The following ABCC5 variants were observed in gnomAD, a reference collection of about 807,000 sequenced individuals.
The protein encoded by ABCC5 is ATP-binding cassette sub-family C member 5.
A neutral mutation model predicts 160.9 loss-of-function variants in ABCC5; 61 were observed. That is an observed-to-expected ratio of 0.38 (90% CI 0.31 to 0.47). The LOEUF (loss-of-function observed/expected upper bound fraction) is 0.47. Among genes scored for constraint, ABCC5 ranks in the 20% least tolerant of loss-of-function variants. The pLI is 0.99. For missense variants in ABCC5, 1,308 were observed against 1,813.3 expected (o/e 0.72, Z 5.06); for synonymous variants, 666 against 700.6 (o/e 0.95, Z 0.78).
At chr3:183,928,414 G>A (rs920859990) in intron 27 of ABCC5, among the ~76,000 whole-genome samples, 1 of 151,992 alleles carries the variant, frequency 6.6e-6, no homozygotes, top group African/African-American at 2.4e-5. Context: ...GCCCGGCCAC[G>A]TTATATATCT....
intron 2 of ABCC5, among the ~76,000 whole-genome samples, chr3:183,991,818 T>C (rs1719793391): frequency 6.6e-6 from 1 of 152,122 alleles, no homozygotes; most frequent in African/African-American, 2.4e-5. Context: ...ATTACAAAGG[T>C]TTTTCTTACC....
chr3:183,923,684 G>A (rs937319001), intron 29 of ABCC5, among the ~76,000 whole-genome samples: 51 of 152,094 alleles, frequency 3.4e-4, no homozygotes, highest in Admixed American at 2.2e-3. Flanking sequence ...TACCTTACTA[G>A]GCTCTATTTT....
chr3:183,993,065 A>T (rs757292116), intron 2 of ABCC5, among the ~76,000 whole-genome samples: 3 of 152,246 alleles, frequency 2.0e-5, no homozygotes, highest in Non-Finnish European at 2.9e-5. Flanking sequence ...TTATGGGGGA[A>T]TAACATTTCA....
chr3:184,004,455 G>A (rs1238617689), intron 2 of ABCC5, among the ~76,000 whole-genome samples: 1 of 141,004 alleles, frequency 7.1e-6, no homozygotes, highest in African/African-American at 2.7e-5. Flanking sequence ...AGGTTGCAGT[G>A]AGCCAAGACC....
In ABCC5 at chr3:183,987,744, T is replaced by C; in HGVS notation, c.591+26A>G. 1.2e-5 allele frequency: 19 copies of C among 1,614,136 alleles called. No homozygotes were observed. Among genetic ancestry groups the C allele is most frequent in the Non-Finnish European group, 1.6e-5 (19 of 1,180,012 alleles). ...TGGCCGTGGCCGGGCCCCTGGAGACTGTCGGAAAGGATGGTTAGAACTTAC... is the reference window on the plus strand; with the variant it reads ...TGGCCGTGGCCGGGCCCCTGGAGACCGTCGGAAAGGATGGTTAGAACTTAC... On this transcript the variant is annotated intron_variant, in intron 5 of 29. Transcript: ENST00000334444. The surrounding 1 kb of genome is among the most constrained non-coding windows in gnomAD (Gnocchi z 4.2).
At chr3:183,945,228 T>C (rs1456944651) in intron 24 of ABCC5, among the ~76,000 whole-genome samples, 1 of 152,210 alleles carries the variant, frequency 6.6e-6, no homozygotes, top group African/African-American at 2.4e-5. Flanking sequence ...AAGACATCCC[T>C]GTAGGAAATT....
intron 29 of ABCC5, among the ~76,000 whole-genome samples, chr3:183,925,164 T>C (rs1265839123): frequency 6.6e-6 from 1 of 152,190 alleles, no homozygotes; most frequent in Non-Finnish European, 1.5e-5. Context: ...ATTGTGTATG[T>C]GAATGAATCA....
At chr3:183,923,891 C>T (rs1712249981) in intron 29 of ABCC5, among the ~76,000 whole-genome samples, 2 of 152,202 alleles carry the variant, frequency 1.3e-5, no homozygotes, top group Admixed American at 6.5e-5. Flanking sequence ...GCTATTTAAC[C>T]TTTTCTCAAT....
intron 26 of ABCC5, among the ~76,000 whole-genome samples, chr3:183,930,298 G>T (rs921858703): frequency 6.6e-6 from 1 of 152,228 alleles, no homozygotes; most frequent in African/African-American, 2.4e-5. Context: ...GGCATCTCTC[G>T]ATCTCCTGGG....
intron 26 of ABCC5, among the ~76,000 whole-genome samples, chr3:183,937,633 G>A (rs1344976620): frequency 1.3e-5 from 2 of 152,242 alleles, no homozygotes; most frequent in Non-Finnish European, 2.9e-5. Context: ...CTTGTCCGAA[G>A]TCACGGAGCA....
At chr3:183,925,439 C>A in intron 29 of ABCC5, 116 bp downstream of exon 29, 1 of 1,049,192 alleles carries the variant, frequency 9.5e-7, no homozygotes. Flanking sequence ...AATAGCGCTG[C>A]TGCAAGTGCT....
chr3:183,981,155 A>C (rs6802849), intron 8 of ABCC5, among the ~76,000 whole-genome samples: 95,723 of 152,084 alleles, frequency 0.63, 31,102 homozygotes, highest in East Asian at 0.85. Context: ...TTAATTATCT[A>C]CTACTTAAAT....
At position 184,007,473 on chromosome 3, in the gene ABCC5, G is replaced by C. The variant is rs77101291; in HGVS notation, c.129+6791C>G. 1.2e-4 allele frequency among the ~76,000 whole-genome samples: 19 copies of C among 152,196 alleles called. No individual in the cohort carries two copies. The East Asian group carries it at 3.7e-3, about 29-fold the overall frequency. On this transcript the variant is annotated intron_variant, in intron 2 of 29. Coordinates refer to ENST00000334444, the MANE Select transcript of ABCC5 (RefSeq NM_005688.4). ...AAAAGCATCTGACAAGCTTTGTCTTGCTTTTGCTTAAATATTAATTTAAAG... is the reference window on the plus strand; with the variant it reads ...AAAAGCATCTGACAAGCTTTGTCTTCCTTTTGCTTAAATATTAATTTAAAG...
intron 17 of ABCC5, among the ~76,000 whole-genome samples, chr3:183,959,233 A>C (rs1716510665): frequency 6.6e-6 from 1 of 152,204 alleles, no homozygotes; most frequent in Non-Finnish European, 1.5e-5. Context: ...TCTGGACAGG[A>C]AAAGCCAAGT....
chr3:184,013,709 C>T (rs1721951049), intron 2 of ABCC5, among the ~76,000 whole-genome samples: 1 of 152,164 alleles, frequency 6.6e-6, no homozygotes, highest in Non-Finnish European at 1.5e-5. Context: ...ATAGCCTTTT[C>T]AGAAGGCACC....
chr3:183,927,636 AAT>A (rs1234899142), intron 27 of ABCC5, 193 bp from the exon 28 acceptor site: 3 of 985,332 alleles, frequency 3.0e-6, no homozygotes, highest in Non-Finnish European at 3.6e-6. Context: ...CCCTGATTCC[AAT>A]AGACTATTCT....
At chr3:183,975,205 C>T (rs980081752) in intron 10 of ABCC5, among the ~76,000 whole-genome samples, 8 of 152,094 alleles carry the variant, frequency 5.3e-5, no homozygotes, top group Non-Finnish European at 5.9e-5. Flanking sequence ...TACTCAGAAA[C>T]ATAATAAACA....
intron 28 of ABCC5, 70 bp from the exon 29 acceptor site, chr3:183,925,789 C>A: frequency 2.8e-6 from 4 of 1,407,742 alleles, no homozygotes; most frequent in South Asian, 1.3e-5. Flanking sequence ...CTAGATTTTA[C>A]TAAAATGTAT....
At chr3:183,985,017 C>G (rs1242747566) in intron 5 of ABCC5, 1 of 840,510 alleles carries the variant, frequency 1.2e-6, no homozygotes, top group Non-Finnish European at 1.9e-6. Flanking sequence ...AGGTAAAAGA[C>G]ATAGTGAATG....
Sources: gnomAD v4.1 joint callset for allele counts (sites outside exome capture counted in the v4.1 genomes callset) on GRCh38, gnomAD v4.1.1 for gene constraint, Gnocchi (gnomAD v3.1) non-coding constraint, MANE v1.5 for transcripts, NCBI Gene and HGNC (gene_info 2026-07-23, HGNC 2026-07-21) for gene names.